Variants in ZNF536 observed in about 807,000 individuals in gnomAD.
ZNF536 encodes the protein zinc finger protein 536.
Under a neutral mutation model 84.5 loss-of-function variants are expected in ZNF536, and 13 were observed. That is an observed-to-expected ratio of 0.15 (90% confidence interval 0.10 to 0.24). ZNF536 has a LOEUF of 0.24. ZNF536 is among the 10% of genes least tolerant of loss of function. The pLI is 1.00. For synonymous variants in ZNF536, 811 were observed against 742.5 expected (o/e 1.09, Z -1.50); for missense variants, 1,536 against 1,747.5 (o/e 0.88, Z 2.16).
At chr19:30,568,226 G>T (rs2046420958) in intron 1 of ZNF536, among the ~76,000 whole-genome samples, 1 of 152,148 alleles carries the variant, frequency 6.6e-6, no homozygotes, top group South Asian at 2.1e-4. Flanking sequence ...ACCCAATTTG[G>T]TTTTTAGACT....
At chr19:30,593,377 G>A (rs1769553903) in intron 1 of ZNF536, among the ~76,000 whole-genome samples, 10 of 152,254 alleles carry the variant, frequency 6.6e-5, no homozygotes, top group Admixed American at 5.9e-4. Context: ...TAAATTGCCC[G>A]ATTTTTCAGA....
At chr19:30,589,717 C>T (rs567744503) in intron 1 of ZNF536, among the ~76,000 whole-genome samples, 2 of 152,298 alleles carry the variant, frequency 1.3e-5, no homozygotes, top group East Asian at 3.9e-4. Context: ...AGAGTCCACC[C>T]AGTGGAGCAG....
At chr19:30,390,797 G>A (rs962952986) in intron 1 of ZNF536, among the ~76,000 whole-genome samples, 5 of 152,118 alleles carry the variant, frequency 3.3e-5, no homozygotes, top group African/African-American at 9.7e-5. Flanking sequence ...TGGCATCACC[G>A]CCAGCCCCCG....
intron 2 of ZNF536, among the ~76,000 whole-genome samples, chr19:30,347,357 G>A (rs899621326): frequency 6.6e-6 from 1 of 152,184 alleles, no homozygotes; most frequent in Admixed American, 6.5e-5. Flanking sequence ...CCTGCTTTTT[G>A]GGCAGCCTGG....
chr19:30,647,793 G>A (rs569083055), intron 1 of ZNF536, among the ~76,000 whole-genome samples: 1 of 152,262 alleles, frequency 6.6e-6, no homozygotes, highest in East Asian at 1.9e-4. Flanking sequence ...GGGGCAGGGA[G>A]TGCTGACCCT....
intron 2 of ZNF536, among the ~76,000 whole-genome samples, chr19:30,303,420 GC>G (rs1479703584): frequency 6.6e-6 from 1 of 152,220 alleles, no homozygotes; most frequent in African/African-American, 2.4e-5. Context: ...TCTGTGATCA[GC>G]TAGGTTCCTA....
At chr19:30,551,712 G>A (rs2045789686) in intron 4 of ZNF536, among the ~76,000 whole-genome samples, 1 of 152,188 alleles carries the variant, frequency 6.6e-6, no homozygotes, top group Non-Finnish European at 1.5e-5. Flanking sequence ...CTCTGGCCAC[G>A]AGCTGCCTAT....
At chr19:30,597,289 C>T (rs992087893) in intron 1 of ZNF536, among the ~76,000 whole-genome samples, 2 of 152,176 alleles carry the variant, frequency 1.3e-5, no homozygotes, top group African/African-American at 4.8e-5. Context: ...TACAACAGGA[C>T]ACACAGGGCA....
chr19:30,366,237 C>T (rs2048424153), intron 3 of ZNF536, among the ~76,000 whole-genome samples: 1 of 152,182 alleles, frequency 6.6e-6, no homozygotes, highest in African/African-American at 2.4e-5. Context: ...CTGGCTCTGT[C>T]ACTTTCCCTT....
At chr19:30,595,091 G>A (rs977418773) in intron 1 of ZNF536, among the ~76,000 whole-genome samples, 2 of 152,120 alleles carry the variant, frequency 1.3e-5, no homozygotes, top group Non-Finnish European at 2.9e-5. Context: ...GGAAGCCAGA[G>A]CCAGGAGAGG....
rs749144636 is a variant in ZNF536, at chr19:30,444,947, A to T, written c.1385A>T (p.Glu462Val). The T allele has an allele frequency of 1.2e-6, 2 of 1,611,656 alleles. No individual in the cohort carries two copies. Among genetic ancestry groups the T allele is most frequent in the African/African-American group, 2.7e-5 (2 of 74,902 alleles). ...GGCAAGGGCGAGCTGCCCATGAAGG[A>T]GAAGGAAGCGCTGGGGAAGCTGCTG... Reference protein sequence around the residue: ...LYGKGELPMKEKEALGKLLSP... With the variant: ...LYGKGELPMKVKEALGKLLSP... The change falls in exon 2 of 5, where the codon GAG (glutamate) becomes GTG (valine). Residue 462 changes from glutamate to valine, a missense_variant. Glu to Val is a moderately radical substitution (Grantham distance 121). Around this residue, in one of 8 missense-constraint regions of ZNF536, gnomAD observed 366 missense variants for 364.4 expected, o/e 1.00. Transcript: ENST00000355537.
intron 2 of ZNF536, among the ~76,000 whole-genome samples, chr19:30,491,695 G>A (rs1353213930): frequency 6.6e-6 from 1 of 152,138 alleles, no homozygotes; most frequent in Non-Finnish European, 1.5e-5. Flanking sequence ...AATAATAGGT[G>A]CTAGAAATCA....
chr19:30,278,832 C>T (rs961775836), intron 1 of ZNF536, among the ~76,000 whole-genome samples: 1 of 152,202 alleles, frequency 6.6e-6, no homozygotes, highest in African/African-American at 2.4e-5. Flanking sequence ...TCCTCTCTGA[C>T]CCCCTCTTGT....
chr19:30,336,043 T>G (rs1353428186), intron 2 of ZNF536, among the ~76,000 whole-genome samples: 1 of 152,130 alleles, frequency 6.6e-6, no homozygotes, highest in African/African-American at 2.4e-5. Flanking sequence ...CAGGTTAAAT[T>G]CGGTTCAGTT....
chr19:30,321,779 T>C (rs1415640413), intron 2 of ZNF536, among the ~76,000 whole-genome samples: 1 of 150,734 alleles, frequency 6.6e-6, no homozygotes, highest in Non-Finnish European at 1.5e-5. Flanking sequence ...TTTTCTTTCT[T>C]TCTTTTTTTT....
chr19:30,232,443 C>A (rs780256002), intron 1 of ZNF536, among the ~76,000 whole-genome samples: 3 of 151,954 alleles, frequency 2.0e-5, no homozygotes, highest in South Asian at 2.1e-4. Context: ...CTTTCTCCCC[C>A]CTCTAGTGTC....
intron 1 of ZNF536, among the ~76,000 whole-genome samples, chr19:30,690,267 C>A (rs2051354657): frequency 1.3e-5 from 2 of 152,110 alleles, no homozygotes; most frequent in Admixed American, 1.3e-4. Flanking sequence ...ACTCTTCTAG[C>A]AAAACAAAGG....
chr19:30,283,463 A>G (rs1000549591), intron 1 of ZNF536, among the ~76,000 whole-genome samples: 1 of 152,250 alleles, frequency 6.6e-6, no homozygotes, highest in Non-Finnish European at 1.5e-5. Flanking sequence ...AACAGAATGA[A>G]GAAGTAGAAA....
intron 1 of ZNF536, among the ~76,000 whole-genome samples, chr19:30,439,182 C>G (rs768309199): frequency 1.3e-5 from 2 of 152,142 alleles, no homozygotes; most frequent in Non-Finnish European, 2.9e-5. Context: ...CACACACACA[C>G]ACACCCTTAG....
Sources: gnomAD v4.1 joint callset for allele counts (sites outside exome capture counted in the v4.1 genomes callset) on GRCh38, gnomAD v4.1.1 for gene constraint, gnomAD v4.1.1 regional missense constraint, MANE v1.5 for transcripts, NCBI Gene and HGNC (gene_info 2026-07-23, HGNC 2026-07-21) for gene names.